RREB1: variants seen among roughly 807,000 people sequenced by gnomAD.
The protein encoded by RREB1 is ras responsive element binding protein 1, also known as ras-responsive element-binding protein 1.
A neutral mutation model predicts 117.8 loss-of-function variants in RREB1; 27 were observed. That is an observed-to-expected ratio of 0.23 (90% CI 0.17 to 0.32). The LOEUF is 0.32. Ranked by LOEUF, RREB1 falls within the 10% of genes least tolerant of loss-of-function variation. The pLI is 1.00. For missense variants in RREB1, 2,577 were observed against 2,378.2 expected, an observed-to-expected ratio of 1.08 and a Z score of -1.74; for synonymous variants, 1,298 against 1,026.7, an observed-to-expected ratio of 1.26 and a Z score of -5.05.
At chr6:7,191,347 C>T (rs1194972490) in intron 6 of RREB1, among the ~76,000 whole-genome samples, 1 of 151,992 alleles carries the variant, frequency 6.6e-6, no homozygotes, top group African/African-American at 2.4e-5. Context: ...AAATATGATA[C>T]ATTTTACTTA....
chr6:7,148,764 G>A (rs1414266617), intron 1 of RREB1, among the ~76,000 whole-genome samples: 1 of 152,142 alleles, frequency 6.6e-6, no homozygotes, highest in Non-Finnish European at 1.5e-5. Flanking sequence ...CCCCCTCAGT[G>A]ATGTGCAGCT....
Position 7,230,431 on chromosome 6 carries a change from C to A in RREB1, c.2332C>A (p.Arg778Ser), listed in dbSNP as rs755032870. ...CATCCACATGCGCACGCACTGCGGCCGCGGCCTGGGCGGGGGCCACAAGGG... is the reference window on the plus strand; with the variant it reads ...CATCCACATGCGCACGCACTGCGGCAGCGGCCTGGGCGGGGGCCACAAGGG... Reference protein sequence around the residue: ...LRIHMRTHCGRGLGGGHKGRK... With the variant: ...LRIHMRTHCGSGLGGGHKGRK... Residue 778 changes from arginine to serine, a missense_variant, in exon 10 of 13, where the codon CGC becomes AGC. Coordinates refer to ENST00000379938, the MANE Select transcript of RREB1 (RefSeq NM_001003699.4). 53 of 1,591,118 alleles carry A rather than the reference C, an allele frequency of 3.3e-5. No homozygotes were observed. The highest frequency in any genetic ancestry group is 4.2e-5 in the Non-Finnish European group (49 of 1,174,850).
intron 1 of RREB1, among the ~76,000 whole-genome samples, chr6:7,167,222 T>A (rs1763978363): frequency 6.6e-6 from 1 of 152,202 alleles, no homozygotes; most frequent in African/African-American, 2.4e-5. Flanking sequence ...CAGAGGGGTT[T>A]TTATTTCCTG....
At position 7,249,101 on chromosome 6, in the gene RREB1, G is replaced by GAC. The variant is rs934916289; in HGVS notation, c.*134_*135insCA. The GAC allele has an allele frequency of 1.0e-5, 6 of 591,946 alleles. No individual in the cohort carries two copies. Among genetic ancestry groups the GAC allele is most frequent in the African/African-American group, 4.1e-5 (2 of 48,630 alleles). The allele number at this position is 591,946 out of a possible 1,614,324, so 36.7% of individuals were successfully genotyped here. A position where few individuals can be genotyped will look rare whatever the true frequency, so the allele number is the denominator to read the frequency against. On this transcript the variant is annotated 3_prime_UTR_variant, in exon 13 of 13. Coordinates refer to ENST00000379938, the MANE Select transcript of RREB1 (RefSeq NM_001003699.4). ...AGAGAGAGAGAGAGAGAGAGAGAGAGAGACAAGCAGGAGCGTGGCTGCTCG... is the reference window on the plus strand; with the variant it reads ...AGAGAGAGAGAGAGAGAGAGAGAGAGACAGACAAGCAGGAGCGTGGCTGCTCG...
At chr6:7,187,338 C>T in intron 4 of RREB1, 96 bp from the exon 5 acceptor site, 1 of 628,780 alleles carries the variant, frequency 1.6e-6, no homozygotes, top group Admixed American at 2.5e-5. Context: ...CTCTCAGCTA[C>T]ATAGACACAA....
At chr6:7,150,972 C>T (rs748526243) in intron 1 of RREB1, among the ~76,000 whole-genome samples, 1 of 152,162 alleles carries the variant, frequency 6.6e-6, no homozygotes, top group Non-Finnish European at 1.5e-5. Flanking sequence ...AGCTGCTGGC[C>T]GCCCGGAGAT....
chr6:7,117,721 TA>T (rs1761476807), intron 1 of RREB1, among the ~76,000 whole-genome samples: 1 of 152,052 alleles, frequency 6.6e-6, no homozygotes, highest in South Asian at 2.1e-4. Context: ...ATTTCCTTTT[TA>T]AACAATGAAT....
intron 1 of RREB1, among the ~76,000 whole-genome samples, chr6:7,117,386 C>G (rs1031509012): frequency 1.2e-5 from 1 of 86,106 alleles, no homozygotes; most frequent in African/African-American, 5.2e-5. Flanking sequence ...AATAGGTTTC[C>G]TGTTTTTTTT....
Position 7,248,903 on chromosome 6 carries a change from A to G in RREB1, c.5164A>G (p.Lys1722Glu). Residue 1722 changes from lysine to glutamate, a missense_variant, in exon 13 of 13, where the codon AAG becomes GAG. By Grantham distance (56) the Lys-to-Glu change is moderately conservative. Transcript: ENST00000379938. ...LGQDLLEPRS[K>E]RPAHPILATA... ...GCAGGACCTGCTGGAGCCGCGCAGC[A>G]AGAGGCCTGCCCACCCAATCCTGGC... The G allele has an allele frequency of 6.4e-7, 1 of 1,558,338 alleles. No individual in the cohort carries two copies. Among genetic ancestry groups the G allele is most frequent in the Non-Finnish European group, 8.7e-7 (1 of 1,153,652 alleles).
Position 7,189,266 on chromosome 6 carries a change from G to A in RREB1, c.369G>A (p.Arg123=), listed in dbSNP as rs1312272377. ...DRHMLVHSGE[R]PYKCTVCGQS... The stretch of plus-strand genomic sequence containing the variant: ...ACATGCTGGTGCACTCTGGCGAGAG[G>A]CCTTACAAGTGCACTGTGTGTGGCC... Residue 123 remains arginine (R), a synonymous_variant, in exon 6 of 13, where the codon AGG becomes AGA. Coordinates refer to ENST00000379938, the MANE Select transcript of RREB1 (RefSeq NM_001003699.4). 5 of 1,607,470 alleles carry A rather than the reference G, an allele frequency of 3.1e-6. No individual in the cohort carries two copies. The highest frequency in any genetic ancestry group is 1.6e-4 in the Middle Eastern group (1 of 6,074).
Position 7,248,642 on chromosome 6 carries a change from C to T in RREB1, c.4903C>T (p.Arg1635Trp), listed in dbSNP as rs767979706. The T allele has an allele frequency of 9.3e-6, 15 of 1,614,100 alleles. No individual in the cohort carries two copies. The highest frequency in any genetic ancestry group is 8.9e-5 in the East Asian group (4 of 44,902). ...CGGGAAGGACAGCGACAAGGAAGAGCGGGGTGAGGAGGACAGCGAGAATGA... is the reference window on the plus strand; with the variant it reads ...CGGGAAGGACAGCGACAAGGAAGAGTGGGGTGAGGAGGACAGCGAGAATGA... ...HHGKDSDKEE[R>W]GEEDSENEST... The change falls in exon 13 of 13, where the codon CGG (arginine) becomes TGG (tryptophan). Residue 1635 changes from arginine to tryptophan, a missense_variant. Transcript: ENST00000379938.
At chr6:7,228,899 G>A (rs1767743050) in intron 9 of RREB1, 98 bp from the exon 10 acceptor site, 1 of 1,128,922 alleles carries the variant, frequency 8.9e-7, no homozygotes, top group Non-Finnish European at 1.2e-6. Flanking sequence ...TGTGTACTGG[G>A]ATAAATGTAC....
At chr6:7,159,135 CTTAAA>C (rs1307660236) in intron 1 of RREB1, among the ~76,000 whole-genome samples, 1 of 152,150 alleles carries the variant, frequency 6.6e-6, no homozygotes, top group Admixed American at 6.5e-5. Context: ...TGATTGTTGA[CTTAAA>C]TTTAAAAGGA....
intron 8 of RREB1, among the ~76,000 whole-genome samples, chr6:7,220,815 C>T (rs960445306): frequency 5.3e-5 from 8 of 152,202 alleles, no homozygotes; most frequent in Admixed American, 1.3e-4. Context: ...AGTGGAGATA[C>T]GCCACAGACG....
intron 2 of RREB1, among the ~76,000 whole-genome samples, chr6:7,180,168 C>G (rs577752024): frequency 2.3e-4 from 35 of 152,304 alleles, no homozygotes; most frequent in African/African-American, 8.4e-4. Flanking sequence ...TGATTCACAT[C>G]TTCAAAATGT....
intron 1 of RREB1, among the ~76,000 whole-genome samples, chr6:7,129,995 C>T (rs974126917): frequency 6.6e-6 from 1 of 152,146 alleles, no homozygotes; most frequent in Non-Finnish European, 1.5e-5. Context: ...CCCAGAGCAC[C>T]GTGAGCTGGT....
intron 1 of RREB1, among the ~76,000 whole-genome samples, chr6:7,153,593 G>A (rs1290453030): frequency 6.6e-6 from 1 of 152,202 alleles, no homozygotes; most frequent in Non-Finnish European, 1.5e-5. Flanking sequence ...GTTAAAAACA[G>A]TTCATCTGTT....
chr6:7,220,045 C>T (rs1767149942), intron 8 of RREB1, among the ~76,000 whole-genome samples: 1 of 152,194 alleles, frequency 6.6e-6, no homozygotes, highest in Admixed American at 6.5e-5. Context: ...ACCATCTACC[C>T]TGAGAACTGC....
At chr6:7,224,006 G>T (rs1022491189) in intron 8 of RREB1, among the ~76,000 whole-genome samples, 3 of 151,704 alleles carry the variant, frequency 2.0e-5, no homozygotes, top group Admixed American at 6.6e-5. Context: ...ATGTTGGAAA[G>T]GCTTAGTTAC....
Sources: gnomAD v4.1 joint callset for allele counts (sites outside exome capture counted in the v4.1 genomes callset) on GRCh38, gnomAD v4.1.1 for gene constraint, MANE v1.5 for transcripts, NCBI Gene and HGNC (gene_info 2026-07-23, HGNC 2026-07-21) for gene names.